Variants in DTNBP1 observed in about 807,000 individuals in gnomAD.
DTNBP1 encodes dystrobrevin binding protein 1, also known as dysbindin.
DTNBP1 carries 35 observed loss-of-function variants against 42.8 expected under a neutral mutation model. The ratio of observed to expected loss-of-function variants is 0.82; its 90% confidence interval spans 0.63 to 1.09. The LOEUF is 1.09. DTNBP1 is among the 50% of genes least tolerant of loss of function. The pLI, the probability that DTNBP1 is intolerant of heterozygous loss-of-function variation, is 0.00. For missense variants in DTNBP1, 457 were observed against 424.2 expected (o/e 1.08, Z -0.68); for synonymous variants, 171 against 162.2 (o/e 1.05, Z -0.41).
At chr6:15,548,399 G>C (rs980502457) in intron 7 of DTNBP1, 3 of 151,336 alleles carry the variant, frequency 2.0e-5, no homozygotes, top group African/African-American at 7.3e-5. Flanking sequence ...ATTCAGGTCA[G>C]CATTTGCTAT....
chr6:15,536,800 T>A (rs568779758), intron 7 of DTNBP1, among the ~76,000 whole-genome samples: 2 of 152,314 alleles, frequency 1.3e-5, no homozygotes, highest in South Asian at 4.1e-4. Context: ...GCTTGCACCA[T>A]GAATCTGGAA....
At chr6:15,596,526 T>C (rs1776521502) in intron 6 of DTNBP1, among the ~76,000 whole-genome samples, 1 of 152,218 alleles carries the variant, frequency 6.6e-6, no homozygotes, top group African/African-American at 2.4e-5. Flanking sequence ...TGGTGGTTTC[T>C]TGAAACAGTT....
At chr6:15,539,211 C>A (rs538893844) in intron 7 of DTNBP1, among the ~76,000 whole-genome samples, 1 of 152,334 alleles carries the variant, frequency 6.6e-6, no homozygotes, top group South Asian at 2.1e-4. Context: ...AGTAAATATT[C>A]CTAATTAGCA....
At chr6:15,658,390 C>T (rs995472631) in intron 1 of DTNBP1, among the ~76,000 whole-genome samples, 3 of 152,138 alleles carry the variant, frequency 2.0e-5, no homozygotes, top group African/African-American at 2.4e-5. Context: ...GCTCCAACCC[C>T]CTTTGTGTAG....
At chr6:15,612,817 T>C (rs1391810948) in intron 6 of DTNBP1, among the ~76,000 whole-genome samples, 1 of 152,246 alleles carries the variant, frequency 6.6e-6, no homozygotes, top group African/African-American at 2.4e-5. Context: ...CTTGAAACTC[T>C]TGTTGCATTA....
chr6:15,588,181 T>C (rs144763540), intron 7 of DTNBP1, among the ~76,000 whole-genome samples: 1 of 152,354 alleles, frequency 6.6e-6, no homozygotes, highest in East Asian at 1.9e-4. Context: ...ATATAGTGAC[T>C]TTTTATTCTA....
chr6:15,648,914 C>T (rs1445837402), intron 3 of DTNBP1, among the ~76,000 whole-genome samples: 2 of 152,000 alleles, frequency 1.3e-5, no homozygotes, highest in Non-Finnish European at 2.9e-5. Flanking sequence ...TGACCTTCAA[C>T]AGCCAAAACA....
chr6:15,559,775 T>C (rs564533433), intron 7 of DTNBP1, among the ~76,000 whole-genome samples: 3 of 152,294 alleles, frequency 2.0e-5, no homozygotes, highest in South Asian at 4.1e-4. Context: ...GTTGAATGAA[T>C]TGGGCTACAG....
intron 1 of DTNBP1, among the ~76,000 whole-genome samples, chr6:15,658,480 GA>G (rs1213770949): frequency 6.6e-6 from 1 of 152,162 alleles, no homozygotes; most frequent in Non-Finnish European, 1.5e-5. Context: ...CAGGGGCAGT[GA>G]GGGCTTTGAG....
intron 7 of DTNBP1, among the ~76,000 whole-genome samples, chr6:15,545,055 C>G (rs1238379092): frequency 6.6e-6 from 1 of 152,124 alleles, no homozygotes; most frequent in African/African-American, 2.4e-5. Flanking sequence ...CCATTTTTAA[C>G]AGTTACATTT....
chr6:15,598,148 C>T (rs959790440), intron 6 of DTNBP1, among the ~76,000 whole-genome samples: 12 of 152,064 alleles, frequency 7.9e-5, no homozygotes, highest in African/African-American at 2.9e-4. Flanking sequence ...ATTTTCTCTC[C>T]AGGGATTGAG....
intron 5 of DTNBP1, among the ~76,000 whole-genome samples, chr6:15,620,442 C>T (rs1253362507): frequency 6.6e-6 from 1 of 152,068 alleles, no homozygotes; most frequent in East Asian, 1.9e-4. Flanking sequence ...CCTGCGTTGG[C>T]CTCCCAAAGT....
chr6:15,648,298 T>G (rs1454113750), intron 3 of DTNBP1, among the ~76,000 whole-genome samples: 1 of 152,042 alleles, frequency 6.6e-6, no homozygotes, highest in Non-Finnish European at 1.5e-5. Context: ...GTTGAAAGAC[T>G]GAAAGCTTTT....
chr6:15,662,549 CCCCCCGGGCGCTCCGCTGCG>C (rs1761707851), intron 1 of DTNBP1, among the ~76,000 whole-genome samples: 1 of 152,234 alleles, frequency 6.6e-6, no homozygotes, highest in African/African-American at 2.4e-5. Context: ...GTCCCACACC[CCCCCCGGGCGCTCCGCTGCG>C]CCGCCGAGCG....
At chr6:15,630,160 C>T (rs1759604237) in intron 4 of DTNBP1, among the ~76,000 whole-genome samples, 1 of 152,030 alleles carries the variant, frequency 6.6e-6, no homozygotes, top group Non-Finnish European at 1.5e-5. Flanking sequence ...AAAGGTACAC[C>T]AATGATGTAG....
In DTNBP1 at chr6:15,541,193, C is replaced by G. The variant is rs1282879484; in HGVS notation, c.512-7798G>C. 2.6e-5 allele frequency among the ~76,000 whole-genome samples: 4 copies of G among 152,216 alleles called. No individual in the cohort carries two copies. The East Asian group carries it at 7.7e-4, about 29-fold the overall frequency. ...CGGGCATTTAAAAATAACTTTGCTG[C>G]CCAACAGCTAAGAGACATTTGCCCT... is the stretch of plus-strand genomic sequence containing the variant. On this transcript the variant is annotated intron_variant, in intron 7 of 9. Transcript: ENST00000344537.
At chr6:15,607,724 C>T (rs1758159543) in intron 6 of DTNBP1, among the ~76,000 whole-genome samples, 1 of 152,212 alleles carries the variant, frequency 6.6e-6, no homozygotes, top group Non-Finnish European at 1.5e-5. Context: ...TTATCAATGG[C>T]AACCTTTTCA....
At chr6:15,618,559 G>A (rs905003423) in intron 5 of DTNBP1, among the ~76,000 whole-genome samples, 13 of 151,552 alleles carry the variant, frequency 8.6e-5, no homozygotes, top group South Asian at 6.3e-4. Context: ...AGCTATTAGC[G>A]AAAAGACCAA....
intron 6 of DTNBP1, among the ~76,000 whole-genome samples, chr6:15,606,576 T>C (rs549197087): frequency 2.0e-5 from 3 of 152,262 alleles, no homozygotes; most frequent in South Asian, 4.1e-4. Context: ...AGAAAAGCCA[T>C]AGGAGCCTAT....
Sources: allele counts gnomAD v4.1 joint callset (sites outside exome capture counted in the v4.1 genomes callset), GRCh38; gene constraint gnomAD v4.1.1; transcripts MANE v1.5; gene names NCBI Gene and HGNC (gene_info 2026-07-23, HGNC 2026-07-21).